The following RALYL variants were observed in gnomAD, a reference collection of about 807,000 sequenced individuals.
The protein encoded by RALYL is RALY RNA binding protein like, also known as RNA-binding Raly-like protein.
RALYL carries 29 observed loss-of-function variants against 35.1 expected under a neutral mutation model. The observed-to-expected ratio is 0.83, with a 90% CI of 0.61 to 1.13. RALYL has a LOEUF of 1.13. Among genes scored for constraint, RALYL ranks in the 50% most tolerant of loss-of-function variants. The pLI, the probability that RALYL is intolerant of heterozygous loss-of-function variation, is 0.00. For missense variants in RALYL, 359 were observed against 360.4 expected, an observed-to-expected ratio of 1.00 and a Z score of 0.03; for synonymous variants, 120 against 127.6, an observed-to-expected ratio of 0.94 and a Z score of 0.40.
Position 84,682,884 on chromosome 8 carries a change from C to G in RALYL, c.257-91695C>G, listed in dbSNP as rs183836167. ...TTAGTTATTTCTTGCCTTCTGCTAG[C>G]TTTTGAATGTGTTTGCTCTTGCTTC... is the stretch of plus-strand genomic sequence containing the variant. On this transcript the variant is annotated intron_variant, in intron 2 of 8. Coordinates refer to ENST00000521268, the MANE Select transcript of RALYL (RefSeq NM_173848.7). 6.0e-3 allele frequency among the ~76,000 whole-genome samples: 908 copies of G among 152,126 alleles called. 7 individuals carry two copies. The highest frequency in any genetic ancestry group is 0.021 in the African/African-American group (852 of 41,516).
At chr8:84,385,990 TTCAC>T in intron 1 of RALYL, among the ~76,000 whole-genome samples, 1 of 151,954 alleles carries the variant, frequency 6.6e-6, no homozygotes. Context: ...CCTGACAACT[TTCAC>T]TCTGTCTCTC....
At chr8:84,698,684 A>G (rs377274450) in intron 2 of RALYL, among the ~76,000 whole-genome samples, 61 of 152,258 alleles carry the variant, frequency 4.0e-4, no homozygotes, top group Non-Finnish European at 7.6e-4. Flanking sequence ...CAGAAAGAAG[A>G]AAGTAAGGGC....
At chr8:84,639,858 G>T (rs1825949395) in intron 2 of RALYL, among the ~76,000 whole-genome samples, 1 of 151,870 alleles carries the variant, frequency 6.6e-6, no homozygotes, top group African/African-American at 2.4e-5. Flanking sequence ...AATATAATAG[G>T]CAAAATCCAG....
At chr8:84,581,474 A>AT (rs1810819027) in intron 2 of RALYL, among the ~76,000 whole-genome samples, 1 of 152,180 alleles carries the variant, frequency 6.6e-6, no homozygotes, top group South Asian at 2.1e-4. Flanking sequence ...TATTACACAC[A>AT]TAATATAGAA....
rs558770768 is a variant in RALYL, at chr8:84,207,189, A to G, written c.-24+22765A>G. On this transcript the variant is annotated intron_variant, in intron 1 of 8. Transcript: ENST00000521268. Reference sequence around the variant, plus strand: ...GGAATTCAAAGGAAATTAAACCAGTATCTCAAAGAGATATCTGTACTTCCA... The same window carrying G: ...GGAATTCAAAGGAAATTAAACCAGTGTCTCAAAGAGATATCTGTACTTCCA... 6.8e-4 allele frequency among the ~76,000 whole-genome samples: 104 copies of G among 152,262 alleles called. 1 individual carries two copies. The highest frequency in any genetic ancestry group is 1.7e-3 in the South Asian group (8 of 4,828).
intron 2 of RALYL, among the ~76,000 whole-genome samples, chr8:84,669,906 C>G (rs976874733): frequency 6.6e-6 from 1 of 152,152 alleles, no homozygotes; most frequent in African/African-American, 2.4e-5. Context: ...GTAAATAGAG[C>G]AGTTTGCAAA....
chr8:84,418,106 A>G (rs1379339631), intron 1 of RALYL, among the ~76,000 whole-genome samples: 2 of 152,128 alleles, frequency 1.3e-5, no homozygotes, highest in East Asian at 3.9e-4. Flanking sequence ...TTCTGATTTA[A>G]GTTCCTAAGT....
chr8:84,545,980 G>A (rs1026530915), intron 2 of RALYL, among the ~76,000 whole-genome samples: 66 of 152,170 alleles, frequency 4.3e-4, no homozygotes, highest in African/African-American at 1.6e-3. Context: ...ACATTCTTGT[G>A]TTGCTCCTGA....
chr8:84,390,520 G>T (rs888383198), intron 1 of RALYL, among the ~76,000 whole-genome samples: 30 of 152,080 alleles, frequency 2.0e-4, no homozygotes, highest in African/African-American at 5.5e-4. Context: ...CAATTTCAGA[G>T]CCTGTTATTG....
intron 1 of RALYL, among the ~76,000 whole-genome samples, chr8:84,198,480 C>A (rs910891669): frequency 2.0e-5 from 3 of 152,066 alleles, no homozygotes; most frequent in African/African-American, 7.2e-5. Flanking sequence ...TGATATCCAT[C>A]CCCTCAAGCA....
intron 2 of RALYL, among the ~76,000 whole-genome samples, chr8:84,749,954 T>A (rs983738484): frequency 6.6e-6 from 1 of 152,166 alleles, no homozygotes; most frequent in African/African-American, 2.4e-5. Flanking sequence ...CTTATATACC[T>A]TGGGGTCACA....
rs1844769397 is a variant in RALYL, at chr8:84,896,539, C to G, written c.858+8763C>G. Among the ~76,000 whole-genome samples the G allele has an allele frequency of 2.0e-5, 3 of 152,092 alleles. No individual in the cohort carries two copies. In the South Asian group the frequency reaches 6.2e-4, roughly 32 times the overall value. ...CTTGGAATAGATACCGAAGTCCTTA[C>G]GTTGATCTACAAAGTCTTGCGTGAT... On this transcript the variant is annotated intron_variant, in intron 8 of 8. Coordinates refer to ENST00000521268, the MANE Select transcript of RALYL (RefSeq NM_173848.7).
intron 4 of RALYL, among the ~76,000 whole-genome samples, chr8:84,840,423 A>C (rs1832990185): frequency 6.6e-6 from 1 of 152,200 alleles, no homozygotes; most frequent in Non-Finnish European, 1.5e-5. Context: ...TAGAGAAAAA[A>C]GAAAAAAGAA....
intron 4 of RALYL, among the ~76,000 whole-genome samples, chr8:84,816,262 A>G (rs1405524505): frequency 1.3e-5 from 2 of 152,118 alleles, no homozygotes; most frequent in East Asian, 3.9e-4. Flanking sequence ...TTCTTCAAGC[A>G]CTGACTGTTG....
intron 4 of RALYL, among the ~76,000 whole-genome samples, chr8:84,825,077 G>A (rs772788158): frequency 5.3e-5 from 8 of 152,040 alleles, no homozygotes; most frequent in Non-Finnish European, 1.0e-4. Flanking sequence ...TACAGAATGG[G>A]AGCAAAATAT....
At chr8:84,902,297 C>T (rs1470782908) in intron 8 of RALYL, among the ~76,000 whole-genome samples, 2 of 152,020 alleles carry the variant, frequency 1.3e-5, no homozygotes, top group Non-Finnish European at 2.9e-5. Flanking sequence ...AGCTAGGTGC[C>T]ACACACTTTC....
chr8:84,208,384 C>T (rs1818590645), intron 1 of RALYL, among the ~76,000 whole-genome samples: 1 of 152,102 alleles, frequency 6.6e-6, no homozygotes, highest in African/African-American at 2.4e-5. Context: ...TAATCCTTCT[C>T]CCCTCAAAAT....
At chr8:84,227,264 T>C (rs968198567) in intron 1 of RALYL, among the ~76,000 whole-genome samples, 4 of 151,938 alleles carry the variant, frequency 2.6e-5, no homozygotes, top group Admixed American at 2.6e-4. Flanking sequence ...TTTACCATGT[T>C]GGCCACACTG....
At chr8:84,686,361 G>A (rs933675590) in intron 2 of RALYL, among the ~76,000 whole-genome samples, 2 of 152,006 alleles carry the variant, frequency 1.3e-5, no homozygotes, top group Non-Finnish European at 2.9e-5. Context: ...TTGGCAAACT[G>A]CCAGCATGTT....
Sources: gnomAD v4.1 joint callset for allele counts (sites outside exome capture counted in the v4.1 genomes callset) on GRCh38, gnomAD v4.1.1 for gene constraint, MANE v1.5 for transcripts, NCBI Gene and HGNC (gene_info 2026-07-23, HGNC 2026-07-21) for gene names.